The following LTO1 variants were observed in gnomAD, a reference collection of about 807,000 sequenced individuals.
LTO1 encodes LTO1 maturation factor of ABCE1.
LTO1 carries 18 observed loss-of-function variants against 19.8 expected under a neutral mutation model. That is an observed-to-expected ratio of 0.91 (90% confidence interval 0.63 to 1.35). The LOEUF (loss-of-function observed/expected upper bound fraction) is 1.35. Ranked by LOEUF, LTO1 falls within the 40% of genes most tolerant of loss-of-function variation. The pLI is 0.00. For synonymous variants in LTO1, 59 were observed against 59.6 expected, an observed-to-expected ratio of 0.99 and a Z score of 0.05; for missense variants, 175 against 167.9, an observed-to-expected ratio of 1.04 and a Z score of -0.23.
intron 3 of LTO1, among the ~76,000 whole-genome samples, chr11:69,669,055 G>A (rs1826255846): frequency 6.7e-6 from 1 of 149,956 alleles, no homozygotes; most frequent in Non-Finnish European, 1.5e-5. Context: ...AAATTGACAT[G>A]AAGCTTGGAC....
In LTO1 at chr11:69,671,836, T is replaced by C. The variant is rs73522779; in HGVS notation, c.157-17A>G. 1.8e-3 allele frequency: 2,707 copies of C among 1,483,300 alleles called. 29 individuals carry two copies. In the African/African-American group the frequency reaches 0.031, roughly 17 times the overall value. 91.9% of individuals were successfully genotyped at this position (1,483,300 alleles called of 1,614,324 possible). A position where few individuals can be genotyped will look rare whatever the true frequency, so the allele number is the denominator to read the frequency against. On this transcript the variant is annotated splice_polypyrimidine_tract_variant and intron_variant, in intron 2 of 4. Transcript: ENST00000279147. ...GCACCCGATCTGTGAATGTGAAAAA[T>C]ATTTAAGAGTGAAATTAATAAGCAA...
chr11:69,667,788 G>A (rs762441585), intron 4 of LTO1, 107 bp downstream of exon 4: 26 of 756,628 alleles, frequency 3.4e-5, no homozygotes, highest in African/African-American at 6.9e-5. Flanking sequence ...GTTCCGCGGC[G>A]CACGCAGCCC....
At chr11:69,672,871 C>T (rs1033442961) in intron 2 of LTO1, 12 of 360,088 alleles carry the variant, frequency 3.3e-5, no homozygotes, top group African/African-American at 1.1e-4. Flanking sequence ...GGCACGGTCC[C>T]GGCTTACCAC....
intron 2 of LTO1, 78 bp from the exon 3 acceptor site, chr11:69,671,897 A>C: frequency 7.1e-6 from 6 of 850,720 alleles, no homozygotes; most frequent in Non-Finnish European, 1.0e-5. Context: ...CTCAAAACAA[A>C]AGGTGGGGGC....
At chr11:69,672,382 T>C (rs558363438) in intron 2 of LTO1, 1 of 160,716 alleles carries the variant, frequency 6.2e-6, no homozygotes. Context: ...ATCATCCATA[T>C]TTGCTGTGTT....
At chr11:69,672,104 G>T (rs1204268762) in intron 2 of LTO1, 4 of 397,826 alleles carry the variant, frequency 1.0e-5, no homozygotes, top group Admixed American at 3.6e-5. Context: ...GAATGTGGAG[G>T]AACAGCACAA....
In LTO1 at chr11:69,667,445, C is replaced by T; in HGVS notation, c.*74G>A. On this transcript the variant is annotated 3_prime_UTR_variant, in exon 5 of 5. Coordinates refer to ENST00000279147, the MANE Select transcript of LTO1 (RefSeq NM_153451.3). The stretch of plus-strand genomic sequence containing the variant: ...CAACTGCCTTCCCAGCACCGTCTGG[C>T]CCTTCACCGCATTTCTAAACACGTC... 1.0e-6 allele frequency: 1 copy of T among 996,294 alleles called. No individual in the cohort carries two copies. The highest frequency in any genetic ancestry group is 1.6e-6 in the Non-Finnish European group (1 of 619,612). The allele number at this position is 996,294 out of a possible 1,614,324, so 61.7% of individuals were successfully genotyped here.
intron 1 of LTO1, among the ~76,000 whole-genome samples, chr11:69,673,954 T>C (rs1446155803): frequency 6.6e-6 from 1 of 152,108 alleles, no homozygotes. Flanking sequence ...CTTCCCGGGT[T>C]CACGCTCTCC....
chr11:69,674,897 A>G (rs12279395), intron 1 of LTO1: 46,848 of 664,882 alleles, frequency 0.07, 7,806 homozygotes, highest in African/African-American at 0.5. Context: ...CCAGAGGACG[A>G]GGCGGCCTCG....
intron 1 of LTO1, 41 bp downstream of exon 1, chr11:69,675,149 G>A: frequency 5.1e-6 from 8 of 1,577,558 alleles, no homozygotes; most frequent in East Asian, 2.3e-5. Flanking sequence ...GCTGGGAGAC[G>A]ACCAGACAGG....
In LTO1 at chr11:69,675,009, G is replaced by C. The variant is rs766862161; in HGVS notation, c.50+181C>G. Reference sequence around the variant, plus strand: ...GCACGTGCCCCGCCGGAGCGGGCCAGGAGAAGAGGACCAGAGCATCAGGCC... The same window carrying C: ...GCACGTGCCCCGCCGGAGCGGGCCACGAGAAGAGGACCAGAGCATCAGGCC... On this transcript the variant is annotated intron_variant, in intron 1 of 4. Transcript: ENST00000279147. 8.6e-6 allele frequency: 6 copies of C among 698,438 alleles called. No homozygotes were observed. In the South Asian group the frequency reaches 9.2e-5, roughly 11 times the overall value. The allele number at this position is 698,438 out of a possible 1,614,324, so 43.3% of individuals were successfully genotyped here.
chr11:69,674,595 GTGTC>G, intron 1 of LTO1: 1 of 366,472 alleles, frequency 2.7e-6, no homozygotes, highest in South Asian at 2.0e-5. Flanking sequence ...GTTTAGCTCA[GTGTC>G]TGACTCACAG....
chr11:69,672,538 C>T (rs1213008767), intron 2 of LTO1: 4 of 155,838 alleles, frequency 2.6e-5, no homozygotes, highest in East Asian at 3.8e-4. Flanking sequence ...AAAAAAAAAT[C>T]ATAAAGTTAA....
chr11:69,673,201 G>C lies in LTO1; in HGVS notation c.156+15C>G. On this transcript the variant is annotated intron_variant, in intron 2 of 4. Coordinates refer to ENST00000279147, the MANE Select transcript of LTO1 (RefSeq NM_153451.3). ...AATGAAGAGGCTTCATCTCCAGATG[G>C]GGGTTCCCACTTACCTCAGACCCGA... 7.3e-7 allele frequency: 1 copy of C among 1,361,574 alleles called. No individual in the cohort carries two copies. The highest frequency in any genetic ancestry group is 1.1e-6 in the Non-Finnish European group (1 of 949,298). 84.3% of individuals were successfully genotyped at this position (1,361,574 alleles called of 1,614,324 possible).
chr11:69,671,493 C>A, intron 3 of LTO1: 1 of 426,424 alleles, frequency 2.3e-6, no homozygotes, highest in South Asian at 3.5e-5. Flanking sequence ...ACTAATGACT[C>A]CAGGTAAAAG....
At chr11:69,670,459 C>G (rs762821274) in intron 3 of LTO1, among the ~76,000 whole-genome samples, 4 of 152,228 alleles carry the variant, frequency 2.6e-5, no homozygotes, top group Admixed American at 6.5e-5. Context: ...GGATCCCCAG[C>G]TGCCGGCCGC....
rs1565078490 is a variant in LTO1 at position 69,667,886 on chromosome 11, T to C, written c.345+9A>G. 1 of 1,221,756 alleles carries C rather than the reference T, an allele frequency of 8.2e-7. No individual in the cohort carries two copies. Among genetic ancestry groups the C allele is most frequent in the Non-Finnish European group, 1.2e-6 (1 of 821,250 alleles). 75.7% of individuals were successfully genotyped at this position (1,221,756 alleles called of 1,614,324 possible). A position where few individuals can be genotyped will look rare whatever the true frequency, so the allele number is the denominator to read the frequency against. The stretch of plus-strand genomic sequence containing the variant: ...GCTCCTAGCAGGAGGAAACACACAG[T>C]GCACGCACCTGTTTAAATTTTCCTC... On this transcript the variant is annotated intron_variant, in intron 4 of 4. Coordinates refer to ENST00000279147, the MANE Select transcript of LTO1 (RefSeq NM_153451.3).
chr11:69,668,018 A>C lies in LTO1; in HGVS notation c.228-6T>G. 7.5e-7 allele frequency: 1 copy of C among 1,341,732 alleles called. No homozygotes were observed. The highest frequency in any genetic ancestry group is 1.1e-6 in the Non-Finnish European group (1 of 931,220). 83.1% of individuals were successfully genotyped at this position (1,341,732 alleles called of 1,614,324 possible). A position where few individuals can be genotyped will look rare whatever the true frequency, so the allele number is the denominator to read the frequency against. On this transcript the variant is annotated splice_region_variant and splice_polypyrimidine_tract_variant and intron_variant, in intron 3 of 4. Coordinates refer to ENST00000279147, the MANE Select transcript of LTO1 (RefSeq NM_153451.3). ...CTAAGACCTTCATCTTTCTGCTGTA[A>C]AGCACAGAAATACAGACTCTCAGTC...
Position 69,668,137 on chromosome 11 carries a change from GGAT to G in LTO1, c.228-128_228-126del. On this transcript the variant is annotated intron_variant, in intron 3 of 4. Transcript: ENST00000279147. The stretch of plus-strand genomic sequence containing the variant: ...CTAAGAATGCCTTCGTTCAAAAGCT[GGAT>G]GATTATTTTCTCATTACACGAAATC... 8 of 662,498 alleles carry G rather than the reference GGAT, an allele frequency of 1.2e-5. No homozygotes were observed. In the South Asian group the frequency reaches 1.4e-4, roughly 12 times the overall value. 41.0% of individuals were successfully genotyped at this position (662,498 alleles called of 1,614,324 possible).
Sources: gnomAD v4.1 joint callset for allele counts (sites outside exome capture counted in the v4.1 genomes callset) on GRCh38, gnomAD v4.1.1 for gene constraint, MANE v1.5 for transcripts, NCBI Gene and HGNC (gene_info 2026-07-23, HGNC 2026-07-21) for gene names.